ZSCAN12: variants seen among roughly 807,000 people sequenced by gnomAD.
The protein encoded by ZSCAN12 is zinc finger and SCAN domain containing 12.
A neutral mutation model predicts 23.4 loss-of-function variants in ZSCAN12; 18 were observed. The ratio of observed to expected loss-of-function variants is 0.77; its 90% confidence interval spans 0.53 to 1.14. ZSCAN12 has a LOEUF of 1.14. Ranked by LOEUF, ZSCAN12 falls within the 50% of genes most tolerant of loss-of-function variation. ZSCAN12 has a pLI of 0.00. For missense variants in ZSCAN12, 650 were observed against 735.0 expected, an observed-to-expected ratio of 0.88 and a Z score of 1.34; for synonymous variants, 186 against 253.4, an observed-to-expected ratio of 0.73 and a Z score of 2.53.
chr6:28,382,556 G>C, downstream of ZSCAN12: 1 of 1,551,840 alleles, frequency 6.4e-7, no homozygotes, highest in Non-Finnish European at 8.7e-7. Context: ...ATTCACTCCA[G>C]CTTGGGGTTC....
chr6:28,382,527 TGA>T (rs1173965076), downstream of ZSCAN12: 6 of 1,551,978 alleles, frequency 3.9e-6, no homozygotes, highest in East Asian at 4.9e-5. Flanking sequence ...CATTCTGGAA[TGA>T]GAGAGCTCAG....
downstream of ZSCAN12, among the ~76,000 whole-genome samples, chr6:28,383,450 C>T (rs969443463): frequency 9.2e-5 from 14 of 152,300 alleles, 1 homozygote; most frequent in Admixed American, 9.1e-4. Context: ...TCTCAGCATT[C>T]AGCTTCTCTA....
chr6:28,379,628 A>T (rs1760128022), exon 5 of ZSCAN12: 1 of 152,124 alleles, frequency 6.6e-6, no homozygotes, highest in East Asian at 1.9e-4. Flanking sequence ...AAAGAAGCCA[A>T]GCTAGAAAAA....
chr6:28,383,532 A>C (rs1375645140), downstream of ZSCAN12, among the ~76,000 whole-genome samples: 1 of 152,152 alleles, frequency 6.6e-6, no homozygotes, highest in Non-Finnish European at 1.5e-5. Flanking sequence ...CGCAAGTTCC[A>C]GCTGAGCAGT....
Position 28,391,664 on chromosome 6 carries a change from G to A in ZSCAN12, c.626C>T (p.Thr209Ile), listed in dbSNP as rs1760846855. Residue 209 changes from threonine to isoleucine, a missense_variant, in exon 4 of 4, where the codon ACA becomes ATA. Physicochemically the swap from Thr to Ile is moderately conservative, Grantham distance 89. Coordinates refer to ENST00000684592, the MANE Select transcript of ZSCAN12 (RefSeq NM_001163391.2). This position sits in a 1 kb window ranked among gnomAD's most constrained non-coding sequence, Gnocchi z 4.1. ...VSEEMEPHGK[T>I]SSKFENDMSK... The stretch of plus-strand genomic sequence containing the variant: ...CATATCATTTTCAAATTTACTGGAT[G>A]TCTTCCCATGTGGTTCCATTTCTTC... 6.4e-7 allele frequency: 1 copy of A among 1,550,860 alleles called. No individual in the cohort carries two copies. The highest frequency in any genetic ancestry group is 8.7e-7 in the Non-Finnish European group (1 of 1,146,990).
chr6:28,389,637 T>A lies in ZSCAN12; in HGVS notation c.*817A>T, dbSNP rs997655379. 6.6e-6 allele frequency among the ~76,000 whole-genome samples: 1 copy of A among 152,212 alleles called. No individual in the cohort carries two copies. The highest frequency in any genetic ancestry group is 1.5e-5 in the Non-Finnish European group (1 of 68,034). ...ACAAGCTCCAAACATGATTTTGATGTTCATCAAAGTTGGAGGATCACTAGA... is the reference window on the plus strand; with the variant it reads ...ACAAGCTCCAAACATGATTTTGATGATCATCAAAGTTGGAGGATCACTAGA... On this transcript the variant is annotated 3_prime_UTR_variant, in exon 4 of 4. Transcript: ENST00000684592.
Position 28,390,443 on chromosome 6 carries a change from C to T in ZSCAN12, c.*11G>A. 3 of 1,523,648 alleles carry T rather than the reference C, an allele frequency of 2.0e-6. No homozygotes were observed. Among genetic ancestry groups the T allele is most frequent in the Non-Finnish European group, 2.6e-6 (3 of 1,133,736 alleles). 94.4% of individuals were successfully genotyped at this position (1,523,648 alleles called of 1,614,324 possible). A position where few individuals can be genotyped will look rare whatever the true frequency, so the allele number is the denominator to read the frequency against. Reference sequence around the variant, plus strand: ...CGGCCTGAACTCTGTGAGATAACTTCCCTGTAGTCATCACACAGAAACAGA... The same window carrying T: ...CGGCCTGAACTCTGTGAGATAACTTTCCTGTAGTCATCACACAGAAACAGA... On this transcript the variant is annotated 3_prime_UTR_variant, in exon 4 of 4. Coordinates refer to ENST00000684592, the MANE Select transcript of ZSCAN12 (RefSeq NM_001163391.2).
At position 28,391,470 on chromosome 6, in the gene ZSCAN12, A is replaced by G. The variant is rs775818098; in HGVS notation, c.820T>C (p.Tyr274His). The change falls in exon 4 of 4, where the codon TAC becomes CAC. Residue 274 changes from tyrosine to histidine, a missense_variant. Transcript: ENST00000684592. This position sits in a 1 kb window ranked among gnomAD's most constrained non-coding sequence, Gnocchi z 4.1. ...GCTTTTCCACAGTCATCACATCCGT[A>G]AGATTCTTCTCCTGGACAGATTCTC... ...HQRICPGEES[Y>H]GCDDCGKAFS... is the part of the protein sequence containing the mutation. 1.2e-5 allele frequency: 18 copies of G among 1,551,902 alleles called. No homozygotes were observed. Among genetic ancestry groups the G allele is most frequent in the Non-Finnish European group, 1.5e-5 (17 of 1,147,042 alleles).
At chr6:28,378,908 AAC>A (rs1405866550), downstream of ZSCAN12, 7 of 152,190 alleles carry the variant, frequency 4.6e-5, no homozygotes, top group Non-Finnish European at 1.0e-4. Context: ...AGTTAAAAAA[AAC>A]TGTGTGATTT....
Position 28,387,282 on chromosome 6 carries a change from G to T in ZSCAN12, c.*3172C>A, listed in dbSNP as rs1277585702. Among the ~76,000 whole-genome samples, 1 of 152,172 alleles carries T rather than the reference G, an allele frequency of 6.6e-6. No individual in the cohort carries two copies. The highest frequency in any genetic ancestry group is 2.4e-5 in the African/African-American group (1 of 41,430). ...AAATGGAGGAATGTGCGCAATGACA[G>T]AACATATTAAGCAGAAAATGAACTG... On this transcript the variant is annotated 3_prime_UTR_variant, in exon 4 of 4. Coordinates refer to ENST00000684592, the MANE Select transcript of ZSCAN12 (RefSeq NM_001163391.2).
chr6:28,383,347 G>A (rs187899675), downstream of ZSCAN12, among the ~76,000 whole-genome samples: 182 of 152,266 alleles, frequency 1.2e-3, no homozygotes, highest in African/African-American at 3.3e-3. Flanking sequence ...CTGAAAGGCC[G>A]GAGCGCACGA....
At chr6:28,382,690 C>T (rs1239151473), downstream of ZSCAN12, 2 of 1,473,994 alleles carry the variant, frequency 1.4e-6, no homozygotes, top group East Asian at 2.5e-5. Flanking sequence ...CTGAACAAGG[C>T]ACTGAAAGAA....
Position 28,398,058 on chromosome 6 carries a change from C to T in ZSCAN12, c.348G>A (p.Glu116=). The change falls in exon 2 of 4, where the codon GAG becomes GAA. Residue 116 remains glutamate, a synonymous_variant. Coordinates refer to ENST00000684592, the MANE Select transcript of ZSCAN12 (RefSeq NM_001163391.2). ...VQEQHPESGE[E]VVTVLEDLER... is the part of the protein sequence containing the mutation. ...CTAAATCCTCCAGCACAGTCACCAC[C>T]TCCTCCCCACTCTCTGGATGCTGCT... 1 of 1,613,018 alleles carries T rather than the reference C, an allele frequency of 6.2e-7. No homozygotes were observed. The highest frequency in any genetic ancestry group is 8.5e-7 in the Non-Finnish European group (1 of 1,179,352).
At chr6:28,382,418 G>A, downstream of ZSCAN12, 1 of 1,508,972 alleles carries the variant, frequency 6.6e-7, no homozygotes, top group Non-Finnish European at 8.9e-7. Flanking sequence ...TTTGAGGAAA[G>A]ACCTGTGATT....
intron 3 of ZSCAN12, among the ~76,000 whole-genome samples, chr6:28,392,671 G>C (rs1014563977): frequency 1.3e-5 from 2 of 152,160 alleles, no homozygotes; most frequent in African/African-American, 2.4e-5. Context: ...ATAAATATCA[G>C]AAGGACTAAA....
chr6:28,390,293 T>C lies in ZSCAN12; in HGVS notation c.*161A>G, dbSNP rs566020938. Among the ~76,000 whole-genome samples the C allele has an allele frequency of 7.9e-5, 12 of 152,286 alleles. No homozygotes were observed. In the East Asian group the frequency reaches 2.3e-3, roughly 29 times the overall value. ...AAAGAGTTTGGGGTTATCTTCTTGT[T>C]CTCCACAGCACGTAGTACAATGGGC... On this transcript the variant is annotated 3_prime_UTR_variant, in exon 4 of 4. Transcript: ENST00000684592.
At chr6:28,380,196 G>A (rs1760163611), downstream of ZSCAN12, 1 of 152,124 alleles carries the variant, frequency 6.6e-6, no homozygotes, top group African/African-American at 2.4e-5. Flanking sequence ...CCTTGTTGAG[G>A]TCTGATCTCT....
chr6:28,384,298 T>C (rs533821237), downstream of ZSCAN12, among the ~76,000 whole-genome samples: 15 of 152,240 alleles, frequency 9.9e-5, no homozygotes, highest in Admixed American at 9.2e-4. Context: ...CACTAAGATA[T>C]GCCCACTAAG....
chr6:28,381,555 T>C (rs1760241608), downstream of ZSCAN12: 1 of 152,194 alleles, frequency 6.6e-6, no homozygotes, highest in Non-Finnish European at 1.5e-5. Context: ...TGGCTGAGAT[T>C]TCCTACTTAA....
Sources: gnomAD v4.1 joint callset for allele counts (sites outside exome capture counted in the v4.1 genomes callset) on GRCh38, gnomAD v4.1.1 for gene constraint, Gnocchi (gnomAD v3.1) non-coding constraint, MANE v1.5 for transcripts, NCBI Gene and HGNC (gene_info 2026-07-23, HGNC 2026-07-21) for gene names.